Variants in IFT52 observed in about 807,000 individuals in gnomAD.
IFT52 encodes the protein intraflagellar transport 52.
Under a neutral mutation model 54.4 loss-of-function variants are expected in IFT52, and 44 were observed. The ratio of observed to expected loss-of-function variants is 0.81; its 90% confidence interval spans 0.63 to 1.04. The LOEUF (loss-of-function observed/expected upper bound fraction) is 1.04. Among genes scored for constraint, IFT52 ranks in the 50% least tolerant of loss-of-function variants. IFT52 has a pLI of 0.00. For missense variants in IFT52, 452 were observed against 523.6 expected (o/e 0.86, Z 1.33); for synonymous variants, 181 against 185.3 (o/e 0.98, Z 0.19).
chr20:43,641,785 C>T (rs866346726), intron 12 of IFT52, among the ~76,000 whole-genome samples: 1 of 152,036 alleles, frequency 6.6e-6, no homozygotes, highest in African/African-American at 2.4e-5. Context: ...TGAGCCTTCA[C>T]GCTCGGCTGT....
Position 43,613,977 on chromosome 20 carries a change from G to A in IFT52, c.612+1G>A. ...CATTTTGGCTTTCTATCACTCAAAGGTACAGCTTTTCTTAGATATGGGTAT... is the reference window on the plus strand; with the variant it reads ...CATTTTGGCTTTCTATCACTCAAAGATACAGCTTTTCTTAGATATGGGTAT... On this transcript the variant is annotated splice_donor_variant, in intron 7 of 13. Transcript: ENST00000373030. LOFTEE classifies it high-confidence loss of function. The A allele has an allele frequency of 6.2e-7, 1 of 1,612,476 alleles. No individual in the cohort carries two copies. The highest frequency in any genetic ancestry group is 1.1e-5 in the South Asian group (1 of 90,904).
At chr20:43,646,761 A>G (rs1986228259) in intron 13 of IFT52, among the ~76,000 whole-genome samples, 175 bp from the exon 14 acceptor site, 1 of 152,158 alleles carries the variant, frequency 6.6e-6, no homozygotes. Context: ...CTGCCATGGT[A>G]GGGCAAAAGG....
chr20:43,647,002 C>G lies in IFT52; in HGVS notation c.*19C>G, dbSNP rs1986249331. On this transcript the variant is annotated 3_prime_UTR_variant, in exon 14 of 14. Coordinates refer to ENST00000373030, the MANE Select transcript of IFT52 (RefSeq NM_016004.5). Reference sequence around the variant, plus strand: ...TTTCTGAAGACCATGCCTCTTGAAGCTTTTTCTGCCTCCTGATTCTCTCTT... The same window carrying G: ...TTTCTGAAGACCATGCCTCTTGAAGGTTTTTCTGCCTCCTGATTCTCTCTT... The G allele has an allele frequency of 4.4e-6, 7 of 1,603,142 alleles. No individual in the cohort carries two copies. The highest frequency in any genetic ancestry group is 5.1e-6 in the Non-Finnish European group (6 of 1,170,360).
At chr20:43,635,409 G>C (rs2041287710) in intron 10 of IFT52, among the ~76,000 whole-genome samples, 1 of 151,976 alleles carries the variant, frequency 6.6e-6, no homozygotes, top group Non-Finnish European at 1.5e-5. Context: ...TCCTGCCTCA[G>C]CCTCAGCCTC....
In IFT52 at chr20:43,623,971, C is replaced by G; in HGVS notation, c.849C>G (p.Ile283Met). The change falls in exon 10 of 14, where the codon ATC becomes ATG. Residue 283 changes from isoleucine to methionine, a missense_variant. Coordinates refer to ENST00000373030, the MANE Select transcript of IFT52 (RefSeq NM_016004.5). ...AGTGTCTCCAGGAGAGTGATGAGAT[C>G]CCAAGGGACTTTACCACCCTCTTCG... ...NRECLQESDEIPRDFTTLFDL... is the reference protein window; with the variant it reads ...NRECLQESDEMPRDFTTLFDL... 1.2e-6 allele frequency: 2 copies of G among 1,614,060 alleles called. No individual in the cohort carries two copies. The highest frequency in any genetic ancestry group is 8.5e-7 in the Non-Finnish European group (1 of 1,179,978).
intron 6 of IFT52, among the ~76,000 whole-genome samples, chr20:43,608,143 G>C (rs1176880099): frequency 6.6e-6 from 1 of 152,022 alleles, no homozygotes. Context: ...CGTGGAAAGA[G>C]AGGGAGAGGG....
chr20:43,641,007 G>A (rs1291803414), intron 12 of IFT52, among the ~76,000 whole-genome samples: 1 of 146,488 alleles, frequency 6.8e-6, no homozygotes, highest in African/African-American at 2.5e-5. Flanking sequence ...CTCCAGCCTG[G>A]GTGATAGAGC....
chr20:43,645,047 C>T (rs2145684349), intron 13 of IFT52, among the ~76,000 whole-genome samples: 1 of 54,032 alleles, frequency 1.9e-5, no homozygotes, highest in South Asian at 7.0e-4. Flanking sequence ...GCGGAGGTTG[C>T]AGTGAGCCAA....
chr20:43,603,867 A>G lies in IFT52; in HGVS notation c.315A>G (p.Glu105=), dbSNP rs954205439. The G allele has an allele frequency of 2.0e-6, 3 of 1,487,726 alleles. No homozygotes were observed. Among genetic ancestry groups the G allele is most frequent in the Non-Finnish European group, 2.8e-6 (3 of 1,070,308 alleles). The allele number at this position is 1,487,726 out of a possible 1,614,324, so 92.2% of individuals were successfully genotyped here. A position where few individuals can be genotyped will look rare whatever the true frequency, so the allele number is the denominator to read the frequency against. Reference sequence around the variant, plus strand: ...CCAATATTAACTTTTTACTAGAAGAATATGGAATCATGGTTAATAATGGTA... The same window carrying G: ...CCAATATTAACTTTTTACTAGAAGAGTATGGAATCATGGTTAATAATGGTA... ...FDTNINFLLE[E]YGIMVNNDAV... The change falls in exon 4 of 14, where the codon GAA becomes GAG. Residue 105 remains glutamate (E), a synonymous_variant. Transcript: ENST00000373030.
chr20:43,603,240 T>G (rs1982596748), intron 3 of IFT52, among the ~76,000 whole-genome samples: 1 of 152,198 alleles, frequency 6.6e-6, no homozygotes, highest in Admixed American at 6.5e-5. Flanking sequence ...ATGGTTTGGT[T>G]GGTCAATGAC....
At chr20:43,597,326 G>A (rs866825165) in intron 3 of IFT52, among the ~76,000 whole-genome samples, 15 of 148,858 alleles carry the variant, frequency 1.0e-4, no homozygotes, top group African/African-American at 3.2e-4. Context: ...TGCCAAGATC[G>A]CGCCATCTCA....
intron 12 of IFT52, among the ~76,000 whole-genome samples, chr20:43,638,446 C>T (rs951557576): frequency 1.2e-4 from 19 of 152,242 alleles, no homozygotes; most frequent in African/African-American, 4.6e-4. Context: ...CCGCCTCAGC[C>T]TCCCAAAGTG....
intron 1 of IFT52, among the ~76,000 whole-genome samples, chr20:43,594,239 T>C (rs1981754450): frequency 6.6e-6 from 1 of 151,804 alleles, no homozygotes; most frequent in Non-Finnish European, 1.5e-5. Context: ...ACCCGGGAGA[T>C]GGAGGTTGCA....
chr20:43,636,046 G>A (rs1455559285), intron 11 of IFT52, 33 bp downstream of exon 11: 2 of 1,592,706 alleles, frequency 1.3e-6, no homozygotes, highest in African/African-American at 1.3e-5. Flanking sequence ...TCCCACTGCA[G>A]AGCCCCACTG....
intron 5 of IFT52, among the ~76,000 whole-genome samples, 157 bp downstream of exon 5, chr20:43,604,415 A>G (rs1007118032): frequency 6.6e-6 from 1 of 152,122 alleles, no homozygotes; most frequent in African/African-American, 2.4e-5. Context: ...CTGTCTAAAA[A>G]TACAAAAAAA....
chr20:43,604,146 A>G (rs756470294), intron 4 of IFT52, 37 bp from the exon 5 acceptor site: 9 of 1,511,776 alleles, frequency 6.0e-6, no homozygotes, highest in Non-Finnish European at 8.3e-6. Context: ...ATTTATTTCT[A>G]ACCTAAAATA....
chr20:43,626,317 GCAGTGGCGCAATCTCTGCTCACTGCGAC>G (rs1217664368), intron 10 of IFT52, among the ~76,000 whole-genome samples: 2 of 149,598 alleles, frequency 1.3e-5, no homozygotes, highest in Non-Finnish European at 3.0e-5. Flanking sequence ...AAGCTGGAGT[GCAGTGGCGCAATCTCTGCTCACTGCGAC>G]CTCTGCCTCC....
rs1367910461 is a variant in IFT52 at position 43,637,248 on chromosome 20, A to G, written c.1115A>G (p.Asn372Ser). 1.9e-6 allele frequency: 3 copies of G among 1,558,886 alleles called. No individual in the cohort carries two copies. Among genetic ancestry groups the G allele is most frequent in the African/African-American group, 1.4e-5 (1 of 71,620 alleles). The part of the protein sequence containing the change: ...SEKARLAQIT[N>S]KCTEEDLEFY... ...AAGGCACGGCTGGCTCAGATTACCA[A>G]TAAGTGTAAGTTTGGCGAACTTTTT... Residue 372 changes from asparagine to serine, a missense_variant, in exon 12 of 14, where the codon AAT becomes AGT. Transcript: ENST00000373030.
chr20:43,616,820 A>G (rs1012116138), intron 7 of IFT52, among the ~76,000 whole-genome samples: 1 of 152,118 alleles, frequency 6.6e-6, no homozygotes, highest in Non-Finnish European at 1.5e-5. Context: ...CAGGAGTTTG[A>G]TACCAGCCTT....
Sources: allele counts gnomAD v4.1 joint callset (sites outside exome capture counted in the v4.1 genomes callset), GRCh38; gene constraint gnomAD v4.1.1; transcripts MANE v1.5; gene names NCBI Gene and HGNC (gene_info 2026-07-23, HGNC 2026-07-21).